MYLK: variants seen among roughly 807,000 people sequenced by gnomAD.
MYLK encodes the protein myosin light chain kinase, also known as myosin light chain kinase, smooth muscle.
Under a neutral mutation model 203.4 loss-of-function variants are expected in MYLK, and 106 were observed. The observed-to-expected ratio is 0.52, with a 90% CI of 0.45 to 0.61. The LOEUF (loss-of-function observed/expected upper bound fraction) is 0.61. Ranked by LOEUF, MYLK falls within the 20% of genes least tolerant of loss-of-function variation. The pLI is 0.00. For missense variants in MYLK, 2,072 were observed against 2,442.3 expected (o/e 0.85, Z 3.20); for synonymous variants, 867 against 959.5 (o/e 0.90, Z 1.78).
At chr3:123,688,424 C>T (rs1317796936) in intron 19 of MYLK, among the ~76,000 whole-genome samples, 1 of 152,080 alleles carries the variant, frequency 6.6e-6, no homozygotes, top group Non-Finnish European at 1.5e-5. Context: ...TCACCAGCAA[C>T]TCATATCAGC....
Position 123,629,517 on chromosome 3 carries a change from C to T in MYLK, c.5071G>A (p.Asp1691Asn). The change falls in exon 30 of 34, where the codon GAT becomes AAT. Residue 1691 changes from aspartate to asparagine, a missense_variant. By Grantham distance (23) the Asp-to-Asn change is conservative. Transcript: ENST00000360304. The surrounding 1 kb of genome is among the most constrained non-coding windows in gnomAD (Gnocchi z 4.4). ...DDEAFDEISD[D>N]AKDFISNLLK... Reference sequence around the variant, plus strand: ...AGATTGCTGATGAAATCCTTGGCATCGTCGGAGATCTCATCGAATGCCTCG... The same window carrying T: ...AGATTGCTGATGAAATCCTTGGCATTGTCGGAGATCTCATCGAATGCCTCG... 1 of 1,614,188 alleles carries T rather than the reference C, an allele frequency of 6.2e-7. No homozygotes were observed. Among genetic ancestry groups the T allele is most frequent in the Non-Finnish European group, 8.5e-7 (1 of 1,180,038 alleles).
intron 18 of MYLK, 23 bp downstream of exon 18, chr3:123,699,997 C>T: frequency 6.2e-7 from 1 of 1,614,098 alleles, no homozygotes; most frequent in East Asian, 2.2e-5. Flanking sequence ...GCCCCTTCTT[C>T]CCCAACCCCC....
chr3:123,813,100 G>C (rs772949064), intron 3 of MYLK, among the ~76,000 whole-genome samples: 2 of 152,200 alleles, frequency 1.3e-5, no homozygotes, highest in Non-Finnish European at 2.9e-5. Context: ...CTCAGGCCAA[G>C]TCCCTATCTG....
At chr3:123,638,261 C>T (rs1320967678) in intron 28 of MYLK, 67 bp from the exon 29 acceptor site, 5 of 1,608,194 alleles carry the variant, frequency 3.1e-6, no homozygotes, top group Non-Finnish European at 3.4e-6. Flanking sequence ...CCAGCAGCTG[C>T]CCGAATCTGT....
chr3:123,737,149 G>T, intron 8 of MYLK: 3 of 537,734 alleles, frequency 5.6e-6, no homozygotes, highest in Non-Finnish European at 1.0e-5. Context: ...AACCTGGGTG[G>T]CGGAGGTTGC....
At position 123,638,032 on chromosome 3, in the gene MYLK, C is replaced by G. The variant is rs773824171; in HGVS notation, c.4961+39G>C. 5.6e-6 allele frequency: 9 copies of G among 1,612,454 alleles called. No homozygotes were observed. The African/African-American group carries it at 9.3e-5, about 17-fold the overall frequency. The stretch of plus-strand genomic sequence containing the variant: ...CCTCAGCCCCCACCCACTGGTCCAC[C>G]AAGTGGTCCACCAGTCCACCAAGTG... On this transcript the variant is annotated intron_variant, in intron 29 of 33. Transcript: ENST00000360304.
chr3:123,836,869 A>G (rs558573895), intron 2 of MYLK, among the ~76,000 whole-genome samples: 1 of 152,338 alleles, frequency 6.6e-6, no homozygotes, highest in South Asian at 2.1e-4. Flanking sequence ...AACTTTTAAA[A>G]TTTATAAGAC....
At chr3:123,630,887 A>G (rs2058387541) in intron 29 of MYLK, 1 of 151,956 alleles carries the variant, frequency 6.6e-6, no homozygotes, top group Non-Finnish European at 1.5e-5. Flanking sequence ...CATAGCAACA[A>G]CTCACCCCAC....
chr3:123,737,076 G>A (rs1053355728), intron 8 of MYLK, among the ~76,000 whole-genome samples: 21 of 152,174 alleles, frequency 1.4e-4, no homozygotes, highest in Admixed American at 6.5e-4. Flanking sequence ...AAAATCAGCC[G>A]GGCGTGGTGG....
At chr3:123,659,497 C>T (rs989092542) in intron 23 of MYLK, among the ~76,000 whole-genome samples, 2 of 152,102 alleles carry the variant, frequency 1.3e-5, no homozygotes, top group Non-Finnish European at 2.9e-5. Context: ...CCAAGTAAAA[C>T]TCCAACATTT....
intron 5 of MYLK, among the ~76,000 whole-genome samples, chr3:123,741,607 A>G (rs2062858189): frequency 6.6e-6 from 1 of 152,196 alleles, no homozygotes; most frequent in Non-Finnish European, 1.5e-5. Flanking sequence ...ATAAGCTTTA[A>G]AGATGCTCTG....
chr3:123,700,484 T>A lies in MYLK; in HGVS notation c.2984A>T (p.Asn995Ile), dbSNP rs750220725. The A allele has an allele frequency of 6.2e-6, 10 of 1,607,812 alleles. No homozygotes were observed. Among genetic ancestry groups the A allele is most frequent in the Non-Finnish European group, 8.5e-6 (10 of 1,175,762 alleles). The change falls in exon 18 of 34, where the codon AAT becomes ATT. Residue 995 changes from asparagine (N) to isoleucine (I), a missense_variant. By Grantham distance (149) the Asn-to-Ile change is moderately radical. Coordinates refer to ENST00000360304, the MANE Select transcript of MYLK (RefSeq NM_053025.4). ...LGGKKKLPAENGSSSAETLNA... is the reference protein window; with the variant it reads ...LGGKKKLPAEIGSSSAETLNA... ...CAGGGTCTCGGCACTGCTGCTGCCA[T>A]TCTCTGCTGGTAATTTCTTCTTGCC...
intron 4 of MYLK, among the ~76,000 whole-genome samples, chr3:123,753,958 C>T (rs2063286253): frequency 6.6e-6 from 1 of 152,232 alleles, no homozygotes; most frequent in South Asian, 2.1e-4. Flanking sequence ...AAAGGCTTCA[C>T]TGATCTGTAG....
At chr3:123,730,095 G>A (rs936746444) in intron 11 of MYLK, among the ~76,000 whole-genome samples, 3 of 152,016 alleles carry the variant, frequency 2.0e-5, no homozygotes, top group African/African-American at 4.8e-5. Flanking sequence ...CGAGTGTGGT[G>A]GCAAGCACCT....
At chr3:123,658,367 T>A (rs2059457080) in intron 23 of MYLK, among the ~76,000 whole-genome samples, 1 of 152,204 alleles carries the variant, frequency 6.6e-6, no homozygotes, top group Non-Finnish European at 1.5e-5. Context: ...CAACTTCAAG[T>A]CAAATCATGG....
intron 29 of MYLK, among the ~76,000 whole-genome samples, chr3:123,633,883 A>G (rs573470768): frequency 2.6e-5 from 4 of 152,050 alleles, no homozygotes; most frequent in South Asian, 2.1e-4. Flanking sequence ...GGGTCTCGCT[A>G]TATCAGCCAG....
At position 123,826,844 on chromosome 3, in the gene MYLK, T is replaced by C. The variant is rs78900579; in HGVS notation, c.-4+4704A>G. Among the ~76,000 whole-genome samples the C allele has an allele frequency of 6.8e-3, 1,034 of 152,216 alleles. 10 individuals carry two copies. The highest frequency in any genetic ancestry group is 0.021 in the African/African-American group (877 of 41,514). On this transcript the variant is annotated intron_variant, in intron 3 of 33. Transcript: ENST00000360304. Reference sequence around the variant, plus strand: ...ACAGGTGAAGAAACTACACAGAGACTACACTAATGCATCCACCTAGAACCC... The same window carrying C: ...ACAGGTGAAGAAACTACACAGAGACCACACTAATGCATCCACCTAGAACCC...
intron 19 of MYLK, among the ~76,000 whole-genome samples, chr3:123,687,904 C>G (rs2060520679): frequency 6.6e-6 from 1 of 152,142 alleles, no homozygotes; most frequent in Admixed American, 6.5e-5. Flanking sequence ...ACTCCTGGCT[C>G]AAGCAATTCA....
intron 28 of MYLK, among the ~76,000 whole-genome samples, chr3:123,639,335 C>A (rs1272652854): frequency 6.6e-6 from 1 of 152,242 alleles, no homozygotes; most frequent in African/African-American, 2.4e-5. Flanking sequence ...CCCCTGCTTA[C>A]CCCTTTCCTC....
Sources: allele counts gnomAD v4.1 joint callset (sites outside exome capture counted in the v4.1 genomes callset), GRCh38; gene constraint gnomAD v4.1.1; non-coding constraint Gnocchi (gnomAD v3.1); transcripts MANE v1.5; gene names NCBI Gene and HGNC (gene_info 2026-07-23, HGNC 2026-07-21).